The following ESR1 variants were observed in gnomAD, a reference collection of about 807,000 sequenced individuals.
ESR1 encodes estrogen receptor 1.
In ESR1, 12 loss-of-function variants were observed where a neutral mutation model predicts 52.7. The observed-to-expected ratio is 0.23, with a 90% CI of 0.15 to 0.37. The LOEUF (loss-of-function observed/expected upper bound fraction) is 0.37, where lower values mean the gene tolerates loss of function less well. Among genes scored for constraint, ESR1 ranks in the 10% least tolerant of loss-of-function variants. The probability of loss-of-function intolerance (pLI) is 1.00; values close to 1 mark genes in which losing one functional copy is unlikely to be tolerated. For missense variants in ESR1, 584 were observed against 779.7 expected (o/e 0.75, Z 2.99); for synonymous variants, 305 against 316.8 (o/e 0.96, Z 0.39).
At chr6:151,948,349 T>C (rs1432750965) in intron 4 of ESR1, among the ~76,000 whole-genome samples, 1 of 152,214 alleles carries the variant, frequency 6.6e-6, no homozygotes, top group Admixed American at 6.5e-5. Flanking sequence ...TATAGTTCTA[T>C]ATATTTTATG....
intron 1 of ESR1, among the ~76,000 whole-genome samples, chr6:151,683,828 A>G (rs77413878): frequency 0.015 from 2,192 of 148,500 alleles, 45 homozygotes; most frequent in African/African-American, 0.051. Flanking sequence ...CCTCCTAAGT[A>G]GCTGGGATTA....
chr6:151,791,209 T>C (rs374845238), intron 2 of ESR1, among the ~76,000 whole-genome samples: 1 of 152,136 alleles, frequency 6.6e-6, no homozygotes, highest in Non-Finnish European at 1.5e-5. Flanking sequence ...CTCGCTCAAA[T>C]CTCATCTTGA....
At chr6:151,783,038 G>A (rs1044570480) in intron 2 of ESR1, among the ~76,000 whole-genome samples, 2 of 152,170 alleles carry the variant, frequency 1.3e-5, no homozygotes, top group African/African-American at 2.4e-5. Flanking sequence ...ATATTTAAAC[G>A]TATGGTATAT....
At chr6:151,858,634 C>T (rs918581142) in intron 2 of ESR1, among the ~76,000 whole-genome samples, 15 of 149,660 alleles carry the variant, frequency 1.0e-4, no homozygotes, top group Non-Finnish European at 2.2e-4. Context: ...TAGTACTTTC[C>T]ATTGCTTCAT....
At chr6:152,119,668 G>A (rs1562799689) in intron 6 of ESR1, among the ~76,000 whole-genome samples, 1 of 152,178 alleles carries the variant, frequency 6.6e-6, no homozygotes, top group Non-Finnish European at 1.5e-5. Flanking sequence ...CCTCACTGCA[G>A]AAATGGAAGC....
intron 4 of ESR1, among the ~76,000 whole-genome samples, chr6:151,951,320 T>C (rs909431133): frequency 2.0e-5 from 3 of 152,230 alleles, no homozygotes; most frequent in African/African-American, 4.8e-5. Flanking sequence ...TTTTTCAGAC[T>C]TCTTTTATAC....
At chr6:151,940,895 G>A (rs2034976232) in intron 3 of ESR1, among the ~76,000 whole-genome samples, 1 of 152,160 alleles carries the variant, frequency 6.6e-6, no homozygotes, top group Non-Finnish European at 1.5e-5. Context: ...CAAATACTTT[G>A]ATAAAATATT....
At chr6:151,983,957 A>G (rs1443223011) in intron 4 of ESR1, 1 of 152,130 alleles carries the variant, frequency 6.6e-6, no homozygotes, top group Admixed American at 6.5e-5. Context: ...AGGATCAAGT[A>G]AACTCCCCAA....
At chr6:151,662,782 G>A (rs944805847) in intron 1 of ESR1, among the ~76,000 whole-genome samples, 3 of 152,178 alleles carry the variant, frequency 2.0e-5, no homozygotes, top group Admixed American at 1.3e-4. Flanking sequence ...AGAATTAGTG[G>A]CAAAGAAGAG....
At chr6:152,079,134 C>T (rs1246383351) in intron 6 of ESR1, among the ~76,000 whole-genome samples, 1 of 152,192 alleles carries the variant, frequency 6.6e-6, no homozygotes, top group Non-Finnish European at 1.5e-5. Flanking sequence ...GGCAGTGGTT[C>T]TCTCAGCACA....
At chr6:151,872,110 G>A (rs967524698) in intron 2 of ESR1, among the ~76,000 whole-genome samples, 3 of 152,156 alleles carry the variant, frequency 2.0e-5, no homozygotes, top group Non-Finnish European at 2.9e-5. Flanking sequence ...AAGCGGAATT[G>A]TTGGAAGTGG....
At chr6:151,746,810 G>T (rs569600515) in intron 2 of ESR1, among the ~76,000 whole-genome samples, 1 of 152,328 alleles carries the variant, frequency 6.6e-6, no homozygotes, top group East Asian at 1.9e-4. Context: ...CAAGTGTTTG[G>T]CACCAATCCT....
chr6:151,729,017 G>T (rs1383411897), intron 2 of ESR1, among the ~76,000 whole-genome samples: 1 of 152,158 alleles, frequency 6.6e-6, no homozygotes, highest in African/African-American at 2.4e-5. Flanking sequence ...CAACCACTGT[G>T]CTCTCCTTTT....
chr6:151,708,953 GA>G (rs1320814444), intron 2 of ESR1, among the ~76,000 whole-genome samples: 2 of 152,132 alleles, frequency 1.3e-5, no homozygotes, highest in African/African-American at 2.4e-5. Flanking sequence ...GTTACCTCAT[GA>G]AGTTATCATT....
Position 151,780,102 on chromosome 6 carries a change from GAGTTCCACAAGTTCCACA to G in ESR1, c.-70-27736_-70-27719del, listed in dbSNP as rs532091229. 5.1e-3 allele frequency among the ~76,000 whole-genome samples: 780 copies of G among 151,954 alleles called. 2 individuals carry two copies. Among genetic ancestry groups the G allele is most frequent in the Middle Eastern group, 0.017 (5 of 294 alleles). ...TGGGTGAGTTCCATAATGAGTGGGT[GAGTTCCACAAGTTCCACA>G]AGTTTCACAAGTGGGTGAGTTCCAC... On this transcript the variant is annotated intron_variant, in intron 2 of 2. Coordinates refer to the ESR1 transcript ENST00000404742.
chr6:151,783,734 A>G (rs538811896), intron 2 of ESR1, among the ~76,000 whole-genome samples: 7 of 152,266 alleles, frequency 4.6e-5, no homozygotes, highest in African/African-American at 1.4e-4. Flanking sequence ...TTATTTTATT[A>G]TTAACTTAAT....
At chr6:152,030,851 C>T (rs557195910) in intron 5 of ESR1, among the ~76,000 whole-genome samples, 28 of 152,334 alleles carry the variant, frequency 1.8e-4, no homozygotes, top group South Asian at 8.3e-4. Flanking sequence ...CTCAGCACCA[C>T]GCCGGACTTA....
chr6:151,683,737 C>T (rs539679963), intron 1 of ESR1, among the ~76,000 whole-genome samples: 41 of 151,340 alleles, frequency 2.7e-4, no homozygotes, highest in Admixed American at 2.2e-3. Context: ...CTCACTCTGT[C>T]GCCCAGGCTA....
chr6:151,836,287 G>T (rs141560611), intron 1 of ESR1, among the ~76,000 whole-genome samples: 7 of 152,286 alleles, frequency 4.6e-5, no homozygotes, highest in African/African-American at 1.7e-4. Flanking sequence ...TAAAGAAAAA[G>T]AGATTTAATG....
Sources: allele counts gnomAD v4.1 joint callset (sites outside exome capture counted in the v4.1 genomes callset), GRCh38; gene constraint gnomAD v4.1.1; transcripts MANE v1.5; gene names NCBI Gene and HGNC (gene_info 2026-07-23, HGNC 2026-07-21).